The following FMN1 variants were observed in gnomAD, a reference collection of about 807,000 sequenced individuals.
FMN1 encodes formin 1.
A neutral mutation model predicts 132.4 loss-of-function variants in FMN1; 110 were observed. That is an observed-to-expected ratio of 0.83 (90% CI 0.71 to 0.97). The LOEUF is 0.97. Among genes scored for constraint, FMN1 ranks in the 50% least tolerant of loss-of-function variants. The probability of loss-of-function intolerance (pLI) is 0.00; values close to 1 mark genes in which losing one functional copy is unlikely to be tolerated. For missense variants in FMN1, 1,792 were observed against 1,705.3 expected (o/e 1.05, Z -0.90); for synonymous variants, 722 against 651.7 (o/e 1.11, Z -1.64).
intron 7 of FMN1, among the ~76,000 whole-genome samples, chr15:32,975,923 C>G (rs563404342): frequency 2.0e-5 from 3 of 152,020 alleles, no homozygotes; most frequent in Non-Finnish European, 4.4e-5. Flanking sequence ...GAGATATCAT[C>G]GAAGGAACAC....
chr15:33,104,572 G>A (rs927511191), intron 4 of FMN1, among the ~76,000 whole-genome samples: 5 of 151,938 alleles, frequency 3.3e-5, no homozygotes, highest in Admixed American at 3.3e-4. Context: ...ATGAACCTAA[G>A]ATAGCGCCAG....
intron 3 of FMN1, among the ~76,000 whole-genome samples, chr15:33,161,150 G>A (rs959408908): frequency 9.2e-5 from 14 of 152,162 alleles, no homozygotes; most frequent in South Asian, 2.1e-4. Context: ...AGCCCAACAC[G>A]GCTAAGACAG....
At chr15:32,949,225 G>A (rs574412423) in intron 9 of FMN1, among the ~76,000 whole-genome samples, 6 of 152,000 alleles carry the variant, frequency 3.9e-5, no homozygotes, top group East Asian at 1.9e-4. Context: ...AAAAGAGCCC[G>A]AATAGCCAAG....
In FMN1 at chr15:32,874,017, G is replaced by GTTT. The variant is rs962842419; in HGVS notation, c.3835+14152_3835+14154dup. On this transcript the variant is annotated intron_variant, in intron 16 of 20. Coordinates refer to ENST00000616417, the MANE Select transcript of FMN1 (RefSeq NM_001277313.2). ...TATGATTCACAATTTTATTTTAGTT[G>GTTT]TTTTTTTTTTTTTTTTTTTGATACA... Among the ~76,000 whole-genome samples the GTTT allele has an allele frequency of 6.1e-3, 706 of 115,032 alleles. 31 individuals carry two copies. The highest frequency in any genetic ancestry group is 0.02 in the African/African-American group (604 of 29,514). The allele number at this position is 115,032 out of a possible 152,430, so 75.5% of individuals were successfully genotyped here. A position where few individuals can be genotyped will look rare whatever the true frequency, so the allele number is the denominator to read the frequency against.
At chr15:33,093,064 C>A (rs1002572533) in intron 4 of FMN1, among the ~76,000 whole-genome samples, 16 of 152,196 alleles carry the variant, frequency 1.1e-4, no homozygotes, top group African/African-American at 3.6e-4. Context: ...TACTATATAA[C>A]CAGCAGATCT....
intron 15 of FMN1, among the ~76,000 whole-genome samples, chr15:32,888,959 A>C (rs1319284455): frequency 1.9e-4 from 29 of 151,740 alleles, no homozygotes; most frequent in Admixed American, 1.9e-3. Context: ...TCCAGGTCCA[A>C]GCGATCCTTC....
intron 2 of FMN1, among the ~76,000 whole-genome samples, chr15:33,192,942 A>G (rs1209683481): frequency 6.6e-6 from 1 of 152,180 alleles, no homozygotes; most frequent in Non-Finnish European, 1.5e-5. Flanking sequence ...GAGGCAAGCA[A>G]CTTGCAAAAA....
At chr15:32,944,245 T>C (rs1182664586) in intron 9 of FMN1, among the ~76,000 whole-genome samples, 2 of 152,206 alleles carry the variant, frequency 1.3e-5, no homozygotes, top group Non-Finnish European at 2.9e-5. Context: ...GGTCCCCTTC[T>C]TCTTCCCTGC....
At chr15:32,810,431 C>G (rs2057834342) in intron 17 of FMN1, among the ~76,000 whole-genome samples, 1 of 152,190 alleles carries the variant, frequency 6.6e-6, no homozygotes, top group Non-Finnish European at 1.5e-5. Flanking sequence ...TACATTAACA[C>G]AGGCACAAAC....
chr15:33,089,069 T>A, intron 4 of FMN1, 95 bp from the exon 5 acceptor site: 2 of 972,828 alleles, frequency 2.1e-6, no homozygotes, highest in East Asian at 2.7e-5. Flanking sequence ...GACTTCTCTA[T>A]GCTAGCTCTT....
At chr15:32,809,025 T>A (rs1351103742) in intron 17 of FMN1, among the ~76,000 whole-genome samples, 1 of 151,208 alleles carries the variant, frequency 6.6e-6, no homozygotes, top group Non-Finnish European at 1.5e-5. Flanking sequence ...TTTCAGCTCA[T>A]TTTGTTTTAT....
At chr15:33,085,353 A>G (rs2038645941) in intron 5 of FMN1, among the ~76,000 whole-genome samples, 1 of 152,128 alleles carries the variant, frequency 6.6e-6, no homozygotes, top group African/African-American at 2.4e-5. Flanking sequence ...AAGAGGGGAG[A>G]AGGGCTTGAG....
intron 7 of FMN1, among the ~76,000 whole-genome samples, chr15:32,973,367 T>C (rs962618782): frequency 1.3e-5 from 2 of 152,126 alleles, no homozygotes; most frequent in African/African-American, 4.8e-5. Context: ...TCCAATACCC[T>C]TCCTCTGTTG....
chr15:33,058,846 A>G (rs568473576), intron 6 of FMN1, among the ~76,000 whole-genome samples: 1 of 152,254 alleles, frequency 6.6e-6, no homozygotes, highest in Admixed American at 6.5e-5. Flanking sequence ...TGGTATGATT[A>G]AATTAAGCTA....
chr15:32,989,303 T>C (rs907198192), intron 7 of FMN1, among the ~76,000 whole-genome samples: 2 of 152,200 alleles, frequency 1.3e-5, no homozygotes, highest in African/African-American at 4.8e-5. Context: ...AATTATAATG[T>C]GAGAACTAGT....
At position 33,088,909 on chromosome 15, in the gene FMN1, T is replaced by G. The variant is rs774299759; in HGVS notation, c.1933A>C (p.Arg645=). 1.3e-6 allele frequency: 2 copies of G among 1,535,916 alleles called. No homozygotes were observed. The highest frequency in any genetic ancestry group is 3.9e-5 in the Admixed American group (2 of 50,960). Residue 645 remains arginine (R), a synonymous_variant, in exon 5 of 21, where the codon AGA becomes CGA. Coordinates refer to ENST00000616417, the MANE Select transcript of FMN1 (RefSeq NM_001277313.2). ...NEQTPKDLPN[R]DGGAWVLGYR... ...CCCAGAACCCACGCGCCTCCATCTC[T>G]GTTGGGAAGGTCTTTAGGTGTCTGC...
chr15:32,774,268 GGTCCTCCACCTCCA>G lies in FMN1; in HGVS notation c.*28_*41del. 7 of 1,502,092 alleles carry G rather than the reference GGTCCTCCACCTCCA, an allele frequency of 4.7e-6. No homozygotes were observed. The highest frequency in any genetic ancestry group is 6.4e-6 in the Non-Finnish European group (7 of 1,087,960). 93.0% of individuals were successfully genotyped at this position (1,502,092 alleles called of 1,614,324 possible). A position where few individuals can be genotyped will look rare whatever the true frequency, so the allele number is the denominator to read the frequency against. On this transcript the variant is annotated 3_prime_UTR_variant, in exon 21 of 21. Transcript: ENST00000616417. ...GTGGTCACAAAGAGTATGCGTGCAA[GGTCCTCCACCTCCA>G]GTGCCATCATTTCCATGTGTCTTCA... is the stretch of plus-strand genomic sequence containing the variant.
intron 4 of FMN1, among the ~76,000 whole-genome samples, chr15:33,138,111 C>G (rs1963850608): frequency 1.3e-5 from 2 of 152,140 alleles, no homozygotes; most frequent in South Asian, 4.1e-4. Context: ...TATTTGTTAA[C>G]CAGTATCCAT....
intron 9 of FMN1, among the ~76,000 whole-genome samples, chr15:32,962,665 A>T (rs2030709348): frequency 6.7e-6 from 1 of 149,720 alleles, no homozygotes; most frequent in South Asian, 2.1e-4. Context: ...AAACAACCCC[A>T]TCAAAAAGTG....
Sources: gnomAD v4.1 joint callset for allele counts (sites outside exome capture counted in the v4.1 genomes callset) on GRCh38, gnomAD v4.1.1 for gene constraint, MANE v1.5 for transcripts, NCBI Gene and HGNC (gene_info 2026-07-23, HGNC 2026-07-21) for gene names.